PRPF3: variants seen among roughly 807,000 people sequenced by gnomAD.
PRPF3 encodes the protein U4/U6 small nuclear ribonucleoprotein Prp3.
A neutral mutation model predicts 89.2 loss-of-function variants in PRPF3; 3 were observed. That is an observed-to-expected ratio of 0.03 (90% CI 0.02 to 0.09). The LOEUF is 0.09. PRPF3 is among the 10% of genes least tolerant of loss of function. The probability of loss-of-function intolerance (pLI) is 1.00; values close to 1 mark genes in which losing one functional copy is unlikely to be tolerated. For missense variants in PRPF3, 463 were observed against 828.8 expected (o/e 0.56, Z 5.42); for synonymous variants, 270 against 289.1 (o/e 0.93, Z 0.67).
intron 7 of PRPF3, among the ~76,000 whole-genome samples, chr1:150,337,791 C>G (rs1657210751): frequency 6.7e-6 from 1 of 149,830 alleles, no homozygotes; most frequent in East Asian, 2.0e-4. Context: ...ATTTGGGATT[C>G]TGGCCGGGCA....
intron 3 of PRPF3, among the ~76,000 whole-genome samples, chr1:150,326,536 ATC>A (rs1655731137): frequency 1.3e-5 from 2 of 151,806 alleles, no homozygotes; most frequent in Non-Finnish European, 2.9e-5. Context: ...ATTTCCCAGT[ATC>A]TCTCTTTAGG....
chr1:150,352,447 C>T (rs1174215989), intron 15 of PRPF3, among the ~76,000 whole-genome samples: 1 of 152,200 alleles, frequency 6.6e-6, no homozygotes, highest in African/African-American at 2.4e-5. Flanking sequence ...GGGAGGATCA[C>T]GAGGTCAGGA....
Position 150,340,380 on chromosome 1 carries a change from T to C in PRPF3, c.1203-18T>C. 6.5e-7 allele frequency: 1 copy of C among 1,545,716 alleles called. No individual in the cohort carries two copies. The highest frequency in any genetic ancestry group is 1.1e-5 in the South Asian group (1 of 89,578). ...CTCTACCCGCATATCGTGTTTTCTTTTCTTCCTACAATTTTAGTACAGAGG... is the reference window on the plus strand; with the variant it reads ...CTCTACCCGCATATCGTGTTTTCTTCTCTTCCTACAATTTTAGTACAGAGG... On this transcript the variant is annotated intron_variant, in intron 8 of 15. Coordinates refer to ENST00000324862, the MANE Select transcript of PRPF3 (RefSeq NM_004698.4).
intron 1 of PRPF3, among the ~76,000 whole-genome samples, chr1:150,323,365 C>T (rs961383892): frequency 6.6e-6 from 1 of 151,644 alleles, no homozygotes; most frequent in African/African-American, 2.4e-5. Flanking sequence ...TTAGTAGAGA[C>T]AGGTGCAGTG....
At chr1:150,324,722 T>A (rs1655510373) in intron 1 of PRPF3, among the ~76,000 whole-genome samples, 173 bp from the exon 2 acceptor site, 1 of 152,112 alleles carries the variant, frequency 6.6e-6, no homozygotes, top group African/African-American at 2.4e-5. Flanking sequence ...TTTTTTTGTA[T>A]TTTTAGTAGA....
At chr1:150,327,924 G>A (rs114507530) in intron 3 of PRPF3, 2,701 of 242,518 alleles carry the variant, frequency 0.011, 61 homozygotes, top group African/African-American at 0.056. Context: ...GCTCTTACAC[G>A]CTAAGAGAAT....
At chr1:150,343,241 AAAAAAAAAT>A (rs1374687769) in intron 9 of PRPF3, 59 bp from the exon 10 acceptor site, 5 of 753,476 alleles carry the variant, frequency 6.6e-6, no homozygotes, top group South Asian at 3.8e-5. Flanking sequence ...GAGAGAGAAA[AAAAAAAAAT>A]ATATATATAT....
rs1659114583 is a variant in PRPF3, at chr1:150,353,183, A to C, written c.*204A>C. 1 of 615,048 alleles carries C rather than the reference A, an allele frequency of 1.6e-6. No homozygotes were observed. The highest frequency in any genetic ancestry group is 1.9e-5 in the African/African-American group (1 of 53,912). The allele number at this position is 615,048 out of a possible 1,614,324, so 38.1% of individuals were successfully genotyped here. A position where few individuals can be genotyped will look rare whatever the true frequency, so the allele number is the denominator to read the frequency against. The stretch of plus-strand genomic sequence containing the variant: ...TCCCCTTATGTGCATATGATTAAAG[A>C]GTTATTTTTAAACTTGGTGTGATAT... On this transcript the variant is annotated 3_prime_UTR_variant, in exon 16 of 16. Transcript: ENST00000324862.
chr1:150,335,257 T>C lies in PRPF3; in HGVS notation c.1035+16T>C, dbSNP rs1423254518. The C allele has an allele frequency of 6.2e-7, 1 of 1,610,230 alleles. No individual in the cohort carries two copies. Among genetic ancestry groups the C allele is most frequent in the Non-Finnish European group, 8.5e-7 (1 of 1,176,794 alleles). On this transcript the variant is annotated intron_variant, in intron 7 of 15. Transcript: ENST00000324862. ...ACGGACAAAGGTATCTGGCTTAGAG[T>C]ATAACACAGAATTTGGAAAAAGTTA...
chr1:150,338,438 A>T (rs1572240729), intron 8 of PRPF3, 112 bp downstream of exon 8: 2 of 1,051,408 alleles, frequency 1.9e-6, no homozygotes, highest in East Asian at 5.2e-5. Flanking sequence ...GATGGTACTC[A>T]TTCATTAATT....
intron 4 of PRPF3, among the ~76,000 whole-genome samples, 182 bp downstream of exon 4, chr1:150,328,648 G>A (rs587657419): frequency 2.0e-4 from 27 of 137,920 alleles, no homozygotes; most frequent in African/African-American, 7.2e-4. Context: ...CGCCTCCCGG[G>A]TTCAAGCAAA....
intron 14 of PRPF3, among the ~76,000 whole-genome samples, chr1:150,347,356 TACTC>T (rs1284357481): frequency 3.3e-5 from 5 of 151,976 alleles, no homozygotes; most frequent in African/African-American, 4.8e-5. Flanking sequence ...TACATGTACA[TACTC>T]ACACATATGC....
At chr1:150,327,896 TAAC>T in intron 3 of PRPF3, 1 of 193,370 alleles carries the variant, frequency 5.2e-6, no homozygotes, top group Non-Finnish European at 1.1e-5. Context: ...CAATGTAATT[TAAC>T]CTAATATGAA....
At chr1:150,348,748 C>T (rs1357551487) in intron 14 of PRPF3, 6 of 252,708 alleles carry the variant, frequency 2.4e-5, no homozygotes, top group African/African-American at 1.4e-4. Flanking sequence ...CAGGCGTGAG[C>T]CACCACGCTG....
In PRPF3 at chr1:150,335,026, C is replaced by T; in HGVS notation, c.820C>T (p.Leu274=). 6.2e-7 allele frequency: 1 copy of T among 1,614,098 alleles called. No homozygotes were observed. Residue 274 remains leucine, a synonymous_variant, in exon 7 of 16, where the codon CTG becomes TTG. Transcript: ENST00000324862. ...TVDATGKEIE[L]THRMPTLKAN... is the part of the protein sequence containing the mutation. ...AGATGCAACAGGCAAGGAGATTGAG[C>T]TGACACACCGCATGCCTACTCTGAA...
rs181840036 is a variant in PRPF3 at position 150,325,118 on chromosome 1, C to T, written c.145+31C>T. On this transcript the variant is annotated intron_variant, in intron 2 of 15. Transcript: ENST00000324862. The stretch of plus-strand genomic sequence containing the variant: ...TACCTTTCTGCATCTTTTATCTTAA[C>T]ATATAGGGTGACCCCAAACACTGCT... 56 of 1,609,598 alleles carry T rather than the reference C, an allele frequency of 3.5e-5. No individual in the cohort carries two copies. In the African/African-American group the frequency reaches 6.7e-4, roughly 19 times the overall value.
At chr1:150,343,653 T>A (rs1233637230) in intron 10 of PRPF3, among the ~76,000 whole-genome samples, 1 of 152,222 alleles carries the variant, frequency 6.6e-6, no homozygotes, top group East Asian at 1.9e-4. Context: ...TATGGCTTAT[T>A]TTTAAGCATA....
intron 11 of PRPF3, 37 bp downstream of exon 11, chr1:150,344,298 G>C (rs781878477): frequency 3.3e-5 from 53 of 1,613,932 alleles, no homozygotes; most frequent in Admixed American, 3.0e-4. Context: ...CCTCGGGCAA[G>C]TACCTTTCCC....
intron 15 of PRPF3, among the ~76,000 whole-genome samples, chr1:150,350,381 A>G (rs1238370718): frequency 1.3e-5 from 2 of 151,630 alleles, no homozygotes; most frequent in Non-Finnish European, 2.9e-5. Context: ...TTGTATTTTT[A>G]GTAGAGACGG....
Sources: allele counts gnomAD v4.1 joint callset (sites outside exome capture counted in the v4.1 genomes callset), GRCh38; gene constraint gnomAD v4.1.1; transcripts MANE v1.5; gene names NCBI Gene and HGNC (gene_info 2026-07-23, HGNC 2026-07-21).